The following GRM7 variants were observed in gnomAD, a reference collection of about 807,000 sequenced individuals.
GRM7 encodes the protein metabotropic glutamate receptor 7.
GRM7 carries 35 observed loss-of-function variants against 84.5 expected under a neutral mutation model. The ratio of observed to expected loss-of-function variants is 0.41; its 90% CI spans 0.32 to 0.55. The LOEUF (loss-of-function observed/expected upper bound fraction) is 0.55, where lower values mean the gene tolerates loss of function less well. Ranked by LOEUF, GRM7 falls within the 20% of genes least tolerant of loss-of-function variation. The pLI, the probability that GRM7 is intolerant of heterozygous loss-of-function variation, is 0.19. For missense variants in GRM7, 1,003 were observed against 1,194.6 expected (o/e 0.84, Z 2.36); for synonymous variants, 487 against 455.1 (o/e 1.07, Z -0.89).
chr3:7,282,525 A>C (rs1006949634), intron 2 of GRM7, among the ~76,000 whole-genome samples: 29 of 152,148 alleles, frequency 1.9e-4, no homozygotes, highest in African/African-American at 4.8e-4. Context: ...ATACTCTCAC[A>C]TGTCAAAGTA....
At chr3:7,302,005 G>A (rs1162399510) in intron 3 of GRM7, among the ~76,000 whole-genome samples, 3 of 152,062 alleles carry the variant, frequency 2.0e-5, no homozygotes, top group Admixed American at 6.6e-5. Flanking sequence ...TTAGACAAGC[G>A]TGGATTCTTT....
intron 8 of GRM7, among the ~76,000 whole-genome samples, chr3:7,614,526 A>G (rs113410416): frequency 3.1e-4 from 47 of 152,310 alleles, no homozygotes; most frequent in African/African-American, 1.1e-3. Context: ...TTCTACTTAA[A>G]ACATATAGTT....
chr3:6,940,934 A>G (rs1360565491), intron 1 of GRM7, among the ~76,000 whole-genome samples: 2 of 152,208 alleles, frequency 1.3e-5, no homozygotes, highest in African/African-American at 2.4e-5. Context: ...GCTGCTGCAG[A>G]AATCGATGTC....
At chr3:7,391,558 G>A (rs572427683) in intron 4 of GRM7, among the ~76,000 whole-genome samples, 16 of 152,166 alleles carry the variant, frequency 1.1e-4, no homozygotes, top group South Asian at 6.2e-4. Context: ...GGGGCCTGTC[G>A]TGGGGCGGGG....
At chr3:6,908,211 C>T (rs1346959538) in intron 1 of GRM7, among the ~76,000 whole-genome samples, 1 of 152,206 alleles carries the variant, frequency 6.6e-6, no homozygotes, top group Non-Finnish European at 1.5e-5. Context: ...AAGGTGGCAG[C>T]TCTCTTTCTA....
At chr3:7,171,428 T>C (rs951535071) in intron 2 of GRM7, among the ~76,000 whole-genome samples, 3 of 152,126 alleles carry the variant, frequency 2.0e-5, no homozygotes, top group Non-Finnish European at 4.4e-5. Context: ...TTCTGAGATA[T>C]TGGGGGTTAA....
At chr3:7,409,169 T>A (rs1695807338) in intron 4 of GRM7, among the ~76,000 whole-genome samples, 1 of 152,188 alleles carries the variant, frequency 6.6e-6, no homozygotes. Context: ...TTTCACTTCC[T>A]TCCCCCAAAC....
At chr3:7,068,220 G>A (rs1499157) in intron 1 of GRM7, among the ~76,000 whole-genome samples, 36 of 151,724 alleles carry the variant, frequency 2.4e-4, no homozygotes, top group African/African-American at 8.5e-4. Flanking sequence ...TAAATCACCA[G>A]TGGAACAACT....
At chr3:7,228,044 T>TCTGTGATTAGCTCTAATATTATCA (rs1455430947) in intron 2 of GRM7, among the ~76,000 whole-genome samples, 1 of 152,212 alleles carries the variant, frequency 6.6e-6, no homozygotes, top group Non-Finnish European at 1.5e-5. Context: ...TAATAAGATG[T>TCTGTGATTAGCTCTAATATTATCA]CTGTGATTAG....
chr3:7,575,307 T>C (rs900280218), intron 7 of GRM7, among the ~76,000 whole-genome samples: 1 of 152,244 alleles, frequency 6.6e-6, no homozygotes, highest in Admixed American at 6.5e-5. Flanking sequence ...CTAATGAAGA[T>C]GATGATAAAC....
chr3:7,391,898 ATCTTAGCCCAGGC>A (rs1695014284), intron 4 of GRM7, among the ~76,000 whole-genome samples: 1 of 152,072 alleles, frequency 6.6e-6, no homozygotes, highest in South Asian at 2.1e-4. Context: ...AAACTCAACC[ATCTTAGCCCAGGC>A]TCCCCAGGCC....
chr3:7,369,648 T>C (rs1200113017), intron 4 of GRM7, among the ~76,000 whole-genome samples: 1 of 152,158 alleles, frequency 6.6e-6, no homozygotes, highest in Non-Finnish European at 1.5e-5. Flanking sequence ...CTTGTAAGAC[T>C]GTTCTCCAAG....
intron 9 of GRM7, among the ~76,000 whole-genome samples, chr3:7,689,338 G>T (rs1320043569): frequency 2.0e-5 from 3 of 152,050 alleles, no homozygotes; most frequent in Non-Finnish European, 4.4e-5. Flanking sequence ...TATCATGTTG[G>T]GACTCTCCCT....
At chr3:7,406,592 A>G (rs550725123) in intron 4 of GRM7, among the ~76,000 whole-genome samples, 2 of 152,326 alleles carry the variant, frequency 1.3e-5, no homozygotes, top group African/African-American at 4.8e-5. Context: ...AACATTATCA[A>G]TATTTTGCTA....
intron 7 of GRM7, among the ~76,000 whole-genome samples, chr3:7,540,446 A>G (rs1249667132): frequency 2.0e-5 from 3 of 152,200 alleles, no homozygotes; most frequent in Non-Finnish European, 4.4e-5. Context: ...TTATACTTGA[A>G]AACATTATGC....
chr3:7,448,207 C>T (rs565490159), intron 5 of GRM7, among the ~76,000 whole-genome samples: 330 of 151,298 alleles, frequency 2.2e-3, no homozygotes, highest in Non-Finnish European at 2.5e-3. Context: ...CCGCAATAAA[C>T]ATACATGTGC....
intron 7 of GRM7, among the ~76,000 whole-genome samples, chr3:7,484,215 G>T (rs756503713): frequency 6.6e-6 from 1 of 152,146 alleles, no homozygotes; most frequent in East Asian, 1.9e-4. Flanking sequence ...TGATACATAC[G>T]TGGGTTTGTT....
chr3:7,156,938 A>G (rs17046914), intron 2 of GRM7, among the ~76,000 whole-genome samples: 4,595 of 152,144 alleles, frequency 0.03, 235 homozygotes, highest in African/African-American at 0.1. Flanking sequence ...AGATAGACCA[A>G]CGTGGGATAC....
At chr3:7,295,311 G>T (rs1349540638) in intron 2 of GRM7, among the ~76,000 whole-genome samples, 1 of 151,946 alleles carries the variant, frequency 6.6e-6, no homozygotes, top group Non-Finnish European at 1.5e-5. Flanking sequence ...TATTTGTGTT[G>T]GTATACTTCT....
Sources: allele counts gnomAD v4.1 joint callset (sites outside exome capture counted in the v4.1 genomes callset), GRCh38; gene constraint gnomAD v4.1.1; transcripts MANE v1.5; gene names NCBI Gene and HGNC (gene_info 2026-07-23, HGNC 2026-07-21).